CNTN4: variants seen among roughly 807,000 people sequenced by gnomAD.
CNTN4 encodes contactin-4.
Under a neutral mutation model 122.5 loss-of-function variants are expected in CNTN4, and 77 were observed. The ratio of observed to expected loss-of-function variants is 0.63; its 90% CI spans 0.52 to 0.76. The LOEUF is 0.76. Ranked by LOEUF, CNTN4 falls within the 30% of genes least tolerant of loss-of-function variation. The probability of loss-of-function intolerance (pLI) is 0.00; values close to 1 mark genes in which losing one functional copy is unlikely to be tolerated. For missense variants in CNTN4, 1,256 were observed against 1,259.1 expected (o/e 1.00, Z 0.04); for synonymous variants, 512 against 447.0 (o/e 1.15, Z -1.83).
chr3:2,772,445 T>A (rs2149782860), intron 6 of CNTN4, among the ~76,000 whole-genome samples: 1 of 151,716 alleles, frequency 6.6e-6, no homozygotes. Context: ...AAAAAAAAGA[T>A]CATAGAATGA....
intron 13 of CNTN4, among the ~76,000 whole-genome samples, chr3:2,936,950 G>A (rs915133601): frequency 3.3e-5 from 5 of 152,288 alleles, no homozygotes; most frequent in Middle Eastern, 3.4e-3. Context: ...CACTGCAAGG[G>A]CAAGATTGAC....
intron 4 of CNTN4, among the ~76,000 whole-genome samples, chr3:2,677,213 A>G (rs887354645): frequency 3.0e-4 from 45 of 150,098 alleles, no homozygotes; most frequent in African/African-American, 1.0e-3. Flanking sequence ...ATATATGTAT[A>G]TATATATCTA....
chr3:2,278,919 A>G (rs567247786), intron 2 of CNTN4, among the ~76,000 whole-genome samples: 2 of 151,990 alleles, frequency 1.3e-5, no homozygotes, highest in South Asian at 4.1e-4. Flanking sequence ...TTATTATACC[A>G]CACTGTTACT....
chr3:2,268,859 C>G lies in CNTN4; in HGVS notation c.-144-70319C>G, dbSNP rs185409131. 3.1e-3 allele frequency among the ~76,000 whole-genome samples: 470 copies of G among 152,210 alleles called. 1 individual carries two copies. The highest frequency in any genetic ancestry group is 5.2e-3 in the Non-Finnish European group (355 of 67,990). Reference sequence around the variant, plus strand: ...ATCCTTGGTGCATTTCACTCTTGAACTCTTGTCTATGGAGTAAGTAGCCTG... The same window carrying G: ...ATCCTTGGTGCATTTCACTCTTGAAGTCTTGTCTATGGAGTAAGTAGCCTG... On this transcript the variant is annotated intron_variant, in intron 2 of 24. Transcript: ENST00000418658.
chr3:2,691,720 T>A (rs191955335), intron 4 of CNTN4, among the ~76,000 whole-genome samples: 1 of 152,312 alleles, frequency 6.6e-6, no homozygotes, highest in East Asian at 1.9e-4. Context: ...TTAAAACATA[T>A]GTATTTTGAC....
intron 14 of CNTN4, among the ~76,000 whole-genome samples, chr3:3,008,655 A>C (rs1696882847): frequency 6.6e-6 from 1 of 152,214 alleles, no homozygotes; most frequent in African/African-American, 2.4e-5. Context: ...AACATTATGC[A>C]GAGCATTAAA....
intron 3 of CNTN4, among the ~76,000 whole-genome samples, chr3:2,538,653 A>C (rs961744014): frequency 6.6e-6 from 1 of 152,006 alleles, no homozygotes; most frequent in Non-Finnish European, 1.5e-5. Context: ...GTTAACTTTC[A>C]TAACTGCTAT....
chr3:2,389,646 A>G (rs1156656077), intron 3 of CNTN4, among the ~76,000 whole-genome samples: 1 of 152,154 alleles, frequency 6.6e-6, no homozygotes, highest in African/African-American at 2.4e-5. Context: ...TCCATGAGAA[A>G]ATGGATCTTA....
At chr3:2,962,115 A>G (rs992078514) in intron 13 of CNTN4, among the ~76,000 whole-genome samples, 1 of 152,230 alleles carries the variant, frequency 6.6e-6, no homozygotes, top group Non-Finnish European at 1.5e-5. Flanking sequence ...GGTCAACCCT[A>G]TATGATTTTT....
At chr3:3,016,965 G>C (rs1214432020) in intron 14 of CNTN4, among the ~76,000 whole-genome samples, 1 of 152,122 alleles carries the variant, frequency 6.6e-6, no homozygotes, top group African/African-American at 2.4e-5. Flanking sequence ...GATGTCATTT[G>C]TCAAGTTGCA....
intron 6 of CNTN4, among the ~76,000 whole-genome samples, chr3:2,804,883 T>TA (rs2092428705): frequency 6.6e-6 from 1 of 152,094 alleles, no homozygotes; most frequent in African/African-American, 2.4e-5. Context: ...CACTGAAAAG[T>TA]GTCTTTATCG....
intron 3 of CNTN4, among the ~76,000 whole-genome samples, chr3:2,489,945 C>T (rs552898427): frequency 2.6e-4 from 39 of 152,156 alleles, no homozygotes; most frequent in African/African-American, 8.9e-4. Flanking sequence ...TCTATTCTGC[C>T]ATTTTATATT....
At chr3:2,640,442 T>C (rs866263318) in intron 4 of CNTN4, among the ~76,000 whole-genome samples, 1 of 152,170 alleles carries the variant, frequency 6.6e-6, no homozygotes, top group Non-Finnish European at 1.5e-5. Flanking sequence ...CCAGGGATTA[T>C]ATACTGAGGA....
At chr3:2,124,336 G>A (rs141527735) in intron 2 of CNTN4, among the ~76,000 whole-genome samples, 3,505 of 151,972 alleles carry the variant, frequency 0.023, 42 homozygotes, top group Middle Eastern at 0.082. Context: ...TAAAATGGGC[G>A]GTTTTAGGTA....
At chr3:2,360,701 G>T (rs972402527) in intron 3 of CNTN4, among the ~76,000 whole-genome samples, 2 of 152,210 alleles carry the variant, frequency 1.3e-5, no homozygotes, top group African/African-American at 2.4e-5. Flanking sequence ...AAGTAAAGGG[G>T]GAAGAGCCCC....
At chr3:2,325,043 G>C (rs1235101343) in intron 2 of CNTN4, among the ~76,000 whole-genome samples, 3 of 152,078 alleles carry the variant, frequency 2.0e-5, no homozygotes, top group Non-Finnish European at 2.9e-5. Flanking sequence ...AACCTGAAGG[G>C]GTAGTGAAAA....
chr3:2,458,010 C>T (rs953096010), intron 3 of CNTN4, among the ~76,000 whole-genome samples: 5 of 152,110 alleles, frequency 3.3e-5, no homozygotes, highest in African/African-American at 1.2e-4. Flanking sequence ...TCCCACCTTC[C>T]ATTTTCAGAG....
intron 13 of CNTN4, among the ~76,000 whole-genome samples, chr3:2,975,567 T>C (rs1374887474): frequency 2.6e-5 from 4 of 152,322 alleles, no homozygotes; most frequent in South Asian, 2.1e-4. Flanking sequence ...AGCATCTCCA[T>C]GCGCCCAATA....
At chr3:2,597,518 A>C (rs2080826758) in intron 4 of CNTN4, among the ~76,000 whole-genome samples, 1 of 152,192 alleles carries the variant, frequency 6.6e-6, no homozygotes, top group Non-Finnish European at 1.5e-5. Context: ...GATAATCTTC[A>C]GCATAGAGCT....
Sources: gnomAD v4.1 joint callset for allele counts (sites outside exome capture counted in the v4.1 genomes callset) on GRCh38, gnomAD v4.1.1 for gene constraint, MANE v1.5 for transcripts, NCBI Gene and HGNC (gene_info 2026-07-23, HGNC 2026-07-21) for gene names.